The following USP28 variants were observed in gnomAD, a reference collection of about 807,000 sequenced individuals.
The protein encoded by USP28 is ubiquitin carboxyl-terminal hydrolase 28.
In USP28, 113 loss-of-function variants were observed where a neutral mutation model predicts 145.0. The observed-to-expected ratio is 0.78, with a 90% CI of 0.67 to 0.91. The LOEUF (loss-of-function observed/expected upper bound fraction) is 0.91. Among genes scored for constraint, USP28 ranks in the 40% least tolerant of loss-of-function variants. The probability of loss-of-function intolerance (pLI) is 0.00; values close to 1 mark genes in which losing one functional copy is unlikely to be tolerated. For missense variants in USP28, 1,201 were observed against 1,289.6 expected, an observed-to-expected ratio of 0.93 and a Z score of 1.05; for synonymous variants, 447 against 450.9, an observed-to-expected ratio of 0.99 and a Z score of 0.11.
chr11:113,849,427 T>C (rs1946227665), intron 3 of USP28, among the ~76,000 whole-genome samples: 1 of 152,180 alleles, frequency 6.6e-6, no homozygotes, highest in African/African-American at 2.4e-5. Context: ...ATGTTGTTTT[T>C]CTAGCAGTGA....
At chr11:113,819,021 A>T (rs1277077560) in intron 12 of USP28, among the ~76,000 whole-genome samples, 1 of 151,956 alleles carries the variant, frequency 6.6e-6, no homozygotes, top group African/African-American at 2.4e-5. Flanking sequence ...AAAAGTGGTT[A>T]AAAAAAAGAT....
intron 21 of USP28, among the ~76,000 whole-genome samples, chr11:113,804,115 C>T (rs1383651851): frequency 6.6e-6 from 1 of 152,322 alleles, no homozygotes. Context: ...TTATTTCCTA[C>T]GAGCTTCGGA....
chr11:113,840,693 C>T lies in USP28; in HGVS notation c.439G>A (p.Glu147Lys), dbSNP rs756927614. The T allele has an allele frequency of 3.1e-6, 5 of 1,614,208 alleles. No individual in the cohort carries two copies. In the South Asian group the frequency reaches 4.4e-5, roughly 14 times the overall value. The change falls in exon 5 of 25, where the codon GAA (glutamate) becomes AAA (lysine). Residue 147 changes from glutamate to lysine, a missense_variant. Physicochemically the swap from Glu to Lys is moderately conservative, Grantham distance 56. Transcript: ENST00000003302. ...CTCCAGTCATTGGGATTGGGGTTTTCTCCCCAGACTTCACAGCGTTTTCTC... is the reference window on the plus strand; with the variant it reads ...CTCCAGTCATTGGGATTGGGGTTTTTTCCCCAGACTTCACAGCGTTTTCTC...
chr11:113,802,366 T>C (rs533849252), intron 23 of USP28, among the ~76,000 whole-genome samples: 22 of 152,218 alleles, frequency 1.4e-4, no homozygotes, highest in Non-Finnish European at 3.1e-4. Context: ...AATAAAGCTA[T>C]TGAGTATATG....
chr11:113,861,543 A>G (rs1316954392), intron 1 of USP28, among the ~76,000 whole-genome samples: 1 of 152,226 alleles, frequency 6.6e-6, no homozygotes, highest in East Asian at 1.9e-4. Context: ...AAAAGGAATT[A>G]ATCATTATTT....
At chr11:113,865,584 C>A (rs557931973) in intron 1 of USP28, among the ~76,000 whole-genome samples, 2 of 152,162 alleles carry the variant, frequency 1.3e-5, no homozygotes, top group Non-Finnish European at 2.9e-5. Flanking sequence ...GTGCCAACAC[C>A]ATTTGATGGG....
chr11:113,815,370 T>G, exon 14 of USP28: 1 of 1,614,120 alleles, frequency 6.2e-7, no homozygotes, highest in African/African-American at 1.3e-5. Context: ...GAGAAGAGCT[T>G]TCTGTACTTG....
intron 14 of USP28, 126 bp from the exon 15 acceptor site, chr11:113,814,081 G>T: frequency 1.5e-6 from 1 of 661,306 alleles, no homozygotes; most frequent in Non-Finnish European, 2.5e-6. Flanking sequence ...TATGAACCAC[G>T]AAGCAATATA....
intron 1 of USP28, among the ~76,000 whole-genome samples, chr11:113,855,993 G>A (rs899698340): frequency 2.0e-5 from 3 of 152,172 alleles, no homozygotes; most frequent in African/African-American, 7.2e-5. Flanking sequence ...GGCTACAAAT[G>A]GAATCCTACC....
At chr11:113,864,926 C>T (rs1447876431) in intron 1 of USP28, among the ~76,000 whole-genome samples, 1 of 152,090 alleles carries the variant, frequency 6.6e-6, no homozygotes, top group Non-Finnish European at 1.5e-5. Context: ...AACCTCCACC[C>T]TGTAAGCTCA....
chr11:113,865,705 C>T (rs1447491127), intron 1 of USP28, among the ~76,000 whole-genome samples: 1 of 152,180 alleles, frequency 6.6e-6, no homozygotes, highest in East Asian at 1.9e-4. Context: ...CAAAATGGAT[C>T]AACAACCTAA....
intron 5 of USP28, among the ~76,000 whole-genome samples, chr11:113,834,916 T>TA (rs1944400694): frequency 6.6e-6 from 1 of 152,180 alleles, no homozygotes; most frequent in South Asian, 2.1e-4. Flanking sequence ...AAAAAAGTAT[T>TA]ATACTGCTTA....
chr11:113,852,781 G>T, intron 2 of USP28, 148 bp from the exon 3 acceptor site: 2 of 906,222 alleles, frequency 2.2e-6, no homozygotes, highest in Non-Finnish European at 3.3e-6. Context: ...TGGACAGTAG[G>T]TCTAATGTGC....
At chr11:113,801,705 G>A (rs772554644) in intron 23 of USP28, 27 bp from the exon 25 acceptor site, 1 of 1,527,954 alleles carries the variant, frequency 6.5e-7, no homozygotes, top group East Asian at 2.3e-5. Flanking sequence ...GAATTAGGTG[G>A]GGAAGAGTCT....
At chr11:113,835,686 C>A (rs150354408) in intron 5 of USP28, among the ~76,000 whole-genome samples, 2 of 152,352 alleles carry the variant, frequency 1.3e-5, no homozygotes, top group East Asian at 3.9e-4. Flanking sequence ...CTGTGACATT[C>A]TTGAGTTTCT....
chr11:113,810,134 T>C (rs1940739882), intron 16 of USP28, among the ~76,000 whole-genome samples: 1 of 146,340 alleles, frequency 6.8e-6, no homozygotes, highest in Non-Finnish European at 1.5e-5. Context: ...TTAGAGCCAA[T>C]AAAAATTTCA....
rs1388383003 is a variant in USP28, at chr11:113,831,993, G to A, written c.760C>T (p.Gln254Ter). The A allele has an allele frequency of 1.9e-6, 3 of 1,613,492 alleles. No homozygotes were observed. Among genetic ancestry groups the A allele is most frequent in the Non-Finnish European group, 2.5e-6 (3 of 1,179,678 alleles). ...TTGTGTGTGAATTCACTCACATCTT[G>A]CTATAAGAGAGGCACAAATTGCATA... Residue 254 changes from glutamine (Q) to a stop codon, truncating the protein, a stop_gained and splice_region_variant, in exon 8 of 25, where the codon CAA becomes TAA. Transcript: ENST00000003302. LOFTEE classifies it high-confidence loss of function.
chr11:113,847,271 C>G (rs1945967574), intron 3 of USP28, among the ~76,000 whole-genome samples: 1 of 152,066 alleles, frequency 6.6e-6, no homozygotes, highest in African/African-American at 2.4e-5. Context: ...GATATATACA[C>G]AACACTACCG....
intron 7 of USP28, among the ~76,000 whole-genome samples, chr11:113,832,557 T>C (rs1230662357): frequency 1.3e-5 from 2 of 152,130 alleles, no homozygotes; most frequent in Non-Finnish European, 2.9e-5. Context: ...GCCACATCTA[T>C]TTATGACAAA....
Sources: gnomAD v4.1 joint callset for allele counts (sites outside exome capture counted in the v4.1 genomes callset) on GRCh38, gnomAD v4.1.1 for gene constraint, MANE v1.5 for transcripts, NCBI Gene and HGNC (gene_info 2026-07-23, HGNC 2026-07-21) for gene names.